NDUFS4: variants seen among roughly 807,000 people sequenced by gnomAD.
The protein encoded by NDUFS4 is NADH:ubiquinone oxidoreductase subunit S4, also known as NADH dehydrogenase [ubiquinone] iron-sulfur protein 4, mitochondrial.
NDUFS4 carries 28 observed loss-of-function variants against 24.3 expected under a neutral mutation model. The ratio of observed to expected loss-of-function variants is 1.15; its 90% confidence interval spans 0.85 to 1.58. The LOEUF (loss-of-function observed/expected upper bound fraction) is 1.58, where lower values mean the gene tolerates loss of function less well. Among genes scored for constraint, NDUFS4 ranks in the 40% most tolerant of loss-of-function variants. The pLI, the probability that NDUFS4 is intolerant of heterozygous loss-of-function variation, is 0.00. For synonymous variants in NDUFS4, 93 were observed against 69.7 expected (o/e 1.34, Z -1.67); for missense variants, 223 against 207.9 (o/e 1.07, Z -0.45).
intron 2 of NDUFS4, among the ~76,000 whole-genome samples, chr5:53,644,977 T>TA (rs1751817054): frequency 6.6e-6 from 1 of 152,108 alleles, no homozygotes; most frequent in Admixed American, 6.6e-5. Context: ...TAAGAATACT[T>TA]ACCAGCTAAG....
At chr5:53,563,328 A>G (rs1561328102) in intron 1 of NDUFS4, among the ~76,000 whole-genome samples, 1 of 152,026 alleles carries the variant, frequency 6.6e-6, no homozygotes, top group Non-Finnish European at 1.5e-5. Context: ...TGAAAAGCAA[A>G]ACAAAGAATG....
At chr5:53,567,202 A>G (rs191668563) in intron 1 of NDUFS4, among the ~76,000 whole-genome samples, 14 of 152,316 alleles carry the variant, frequency 9.2e-5, no homozygotes, top group Admixed American at 7.8e-4. Context: ...GAACCCACAG[A>G]TGCAGAGGGT....
rs1226514327 is a variant in NDUFS4, at chr5:53,658,926, T to TTTTGTTGAAC, written c.424+305_424+314dup. 3 of 299,526 alleles carry TTTTGTTGAAC rather than the reference T, an allele frequency of 1.0e-5. No homozygotes were observed. In the East Asian group the frequency reaches 2.0e-4, roughly 20 times the overall value. The allele number at this position is 299,526 out of a possible 1,614,324, so 18.6% of individuals were successfully genotyped here. A position where few individuals can be genotyped will look rare whatever the true frequency, so the allele number is the denominator to read the frequency against. On this transcript the variant is annotated intron_variant, in intron 4 of 4. Transcript: ENST00000296684. ...GAATTCCTCTGTAAAATTACTAACA[T>TTTTGTTGAAC]TTTGTTGAACTTCAATTGAACATAT...
intron 4 of NDUFS4, among the ~76,000 whole-genome samples, chr5:53,670,972 CTATA>C (rs887457025): frequency 6.6e-6 from 1 of 151,194 alleles, no homozygotes; most frequent in Non-Finnish European, 1.5e-5. Context: ...ACTCTACTAT[CTATA>C]TAGTATCTCT....
At chr5:53,640,382 A>G (rs537734703) in intron 2 of NDUFS4, among the ~76,000 whole-genome samples, 7 of 152,254 alleles carry the variant, frequency 4.6e-5, no homozygotes, top group Admixed American at 4.6e-4. Flanking sequence ...GTGTTGCTGT[A>G]AAGGAATACC....
intron 1 of NDUFS4, among the ~76,000 whole-genome samples, chr5:53,562,896 G>A (rs893229621): frequency 6.6e-6 from 1 of 151,710 alleles, no homozygotes; most frequent in African/African-American, 2.4e-5. Flanking sequence ...TAGAATATGG[G>A]AAGTGGAATC....
At chr5:53,560,801 C>T (rs370561913) in intron 1 of NDUFS4, 41 bp downstream of exon 1, 7 of 1,613,184 alleles carry the variant, frequency 4.3e-6, no homozygotes, top group Non-Finnish European at 5.9e-6. Flanking sequence ...TTCTTGGGTC[C>T]CTCCATTTTT....
intron 1 of NDUFS4, among the ~76,000 whole-genome samples, chr5:53,598,429 C>A (rs568561980): frequency 2.6e-4 from 40 of 152,256 alleles, no homozygotes; most frequent in African/African-American, 9.6e-4. Flanking sequence ...GTGATTCTTG[C>A]ATAGGATTTC....
chr5:53,674,131 A>G (rs1368612362), intron 4 of NDUFS4, among the ~76,000 whole-genome samples: 2 of 152,184 alleles, frequency 1.3e-5, no homozygotes, highest in Admixed American at 1.3e-4. Flanking sequence ...AGAAATGAAA[A>G]CCCAAAGAAA....
chr5:53,655,347 A>T (rs534545606), intron 3 of NDUFS4, among the ~76,000 whole-genome samples: 2 of 151,534 alleles, frequency 1.3e-5, no homozygotes, highest in African/African-American at 2.4e-5. Context: ...ACTTCTAACA[A>T]CATAGATTAG....
rs375212224 is a variant in NDUFS4, at chr5:53,658,588, A to G, written c.388A>G (p.Thr130Ala). 1 of 1,613,352 alleles carries G rather than the reference A, an allele frequency of 6.2e-7. No homozygotes were observed. The highest frequency in any genetic ancestry group is 8.5e-7 in the Non-Finnish European group (1 of 1,179,622). ...PLSNMVLTFSTKEDAVSFAEK... is the reference protein window; with the variant it reads ...PLSNMVLTFSAKEDAVSFAEK... ...ATCCAACATGGTTCTAACCTTCAGTACTAAAGAAGATGCAGTTTCCTTTGC... is the reference window on the plus strand; with the variant it reads ...ATCCAACATGGTTCTAACCTTCAGTGCTAAAGAAGATGCAGTTTCCTTTGC... Residue 130 changes from threonine to alanine, a missense_variant, in exon 4 of 5, where the codon ACT (threonine) becomes GCT (alanine). Physicochemically the swap from Thr to Ala is moderately conservative, Grantham distance 58. Coordinates refer to ENST00000296684, the MANE Select transcript of NDUFS4 (RefSeq NM_002495.4).
chr5:53,673,384 C>T (rs1029370354), intron 4 of NDUFS4, among the ~76,000 whole-genome samples: 2 of 151,972 alleles, frequency 1.3e-5, no homozygotes, highest in Admixed American at 6.6e-5. Flanking sequence ...GCAATGATAT[C>T]CTGAAAGTTT....
At chr5:53,597,717 C>T (rs779425558) in intron 1 of NDUFS4, among the ~76,000 whole-genome samples, 17 of 152,196 alleles carry the variant, frequency 1.1e-4, no homozygotes, top group South Asian at 4.2e-4. Context: ...GATAGGAAGA[C>T]GCTAAGCATC....
chr5:53,606,612 G>A (rs1052892943), intron 2 of NDUFS4, among the ~76,000 whole-genome samples: 4 of 152,166 alleles, frequency 2.6e-5, no homozygotes, highest in African/African-American at 9.7e-5. Context: ...TAATCCACCT[G>A]CCTCGGCCTC....
intron 2 of NDUFS4, among the ~76,000 whole-genome samples, chr5:53,621,728 G>GTTTTTT (rs1751042298): frequency 9.7e-6 from 1 of 102,584 alleles, no homozygotes; most frequent in African/African-American, 3.8e-5. Context: ...TTGAGACGGA[G>GTTTTTT]TTTCGCTCTG....
chr5:53,668,578 C>T (rs1487688871), intron 4 of NDUFS4, among the ~76,000 whole-genome samples: 6 of 151,274 alleles, frequency 4.0e-5, no homozygotes, highest in Non-Finnish European at 8.8e-5. Flanking sequence ...CCTGCCTCAG[C>T]TTCCTGGACT....
chr5:53,649,993 T>C (rs1475537789), intron 3 of NDUFS4, among the ~76,000 whole-genome samples: 1 of 152,222 alleles, frequency 6.6e-6, no homozygotes, highest in Admixed American at 6.5e-5. Flanking sequence ...ATTTTATGTT[T>C]CATATAATAT....
In NDUFS4 at chr5:53,642,637, T is replaced by C. The variant is rs547363746; in HGVS notation, c.178-3596T>C. On this transcript the variant is annotated intron_variant, in intron 2 of 4. Transcript: ENST00000296684. ...AAAAAAAAGTTGAAATCACAGAAGATAAATGGAGACAGTTGATAACCGAAT... is the reference window on the plus strand; with the variant it reads ...AAAAAAAAGTTGAAATCACAGAAGACAAATGGAGACAGTTGATAACCGAAT... Among the ~76,000 whole-genome samples, 10 of 152,240 alleles carry C rather than the reference T, an allele frequency of 6.6e-5. 1 individual carries two copies. In the South Asian group the frequency reaches 2.1e-3, roughly 32 times the overall value.
At position 53,648,339 on chromosome 5, in the gene NDUFS4, C is replaced by T. The variant is rs144533345; in HGVS notation, c.350+1934C>T. ...TGGAAATTGTTAGAAAGGGGAACTA[C>T]CAAACAGAAAACTGAATCTACCCAG... On this transcript the variant is annotated intron_variant, in intron 3 of 4. Coordinates refer to ENST00000296684, the MANE Select transcript of NDUFS4 (RefSeq NM_002495.4). Among the ~76,000 whole-genome samples the T allele has an allele frequency of 2.9e-3, 448 of 152,224 alleles. 1 individual carries two copies. The highest frequency in any genetic ancestry group is 0.01 in the African/African-American group (432 of 41,528).
Sources: allele counts gnomAD v4.1 joint callset (sites outside exome capture counted in the v4.1 genomes callset), GRCh38; gene constraint gnomAD v4.1.1; transcripts MANE v1.5; gene names NCBI Gene and HGNC (gene_info 2026-07-23, HGNC 2026-07-21).